The following EPYC variants were observed in gnomAD, a reference collection of about 807,000 sequenced individuals.
EPYC encodes dermatan sulfate proteoglycan 3.
In EPYC, 28 loss-of-function variants were observed where a neutral mutation model predicts 30.1. That is an observed-to-expected ratio of 0.93 (90% CI 0.69 to 1.28). The LOEUF (loss-of-function observed/expected upper bound fraction) is 1.28, where lower values mean the gene tolerates loss of function less well. Among genes scored for constraint, EPYC ranks in the 50% most tolerant of loss-of-function variants. The pLI is 0.00. For missense variants in EPYC, 382 were observed against 383.5 expected (o/e 1.00, Z 0.03); for synonymous variants, 144 against 141.4 (o/e 1.02, Z -0.13).
intron 2 of EPYC, among the ~76,000 whole-genome samples, chr12:90,985,739 G>A (rs953766097): frequency 3.9e-5 from 6 of 152,066 alleles, no homozygotes; most frequent in East Asian, 1.9e-4. Context: ...CTGCCCTAGA[G>A]GACAAAGGTT....
Position 90,970,136 on chromosome 12 carries a change from T to A in EPYC, c.706A>T (p.Met236Leu), listed in dbSNP as rs751808930. ...KGIKQEAFKD[M>L]YDLHHLYLTD... ...AGGTACAGATGATGGAGATCATACA[T>A]GTCCTGTAAACATTCCAAATGTGGG... Residue 236 changes from methionine to leucine, a missense_variant, in exon 6 of 7, where the codon ATG becomes TTG. Transcript: ENST00000261172. The A allele has an allele frequency of 1.4e-5, 22 of 1,610,706 alleles. No individual in the cohort carries two copies. Among genetic ancestry groups the A allele is most frequent in the African/African-American group, 1.3e-5 (1 of 74,958 alleles).
chr12:90,971,957 A>G lies in EPYC; in HGVS notation c.545T>C (p.Ile182Thr), dbSNP rs774265511. ...CAGTTTTCGGAATGCATCTTCATCA[A>G]TCTCAGATATTAAATTTGATGTCAG... ...IDLTSNLISE[I>T]DEDAFRKLPQ... The change falls in exon 5 of 7, where the codon ATT becomes ACT. Residue 182 changes from isoleucine to threonine, a missense_variant. Coordinates refer to ENST00000261172, the MANE Select transcript of EPYC (RefSeq NM_004950.5). 1.9e-6 allele frequency: 3 copies of G among 1,607,656 alleles called. No homozygotes were observed. Among genetic ancestry groups the G allele is most frequent in the Non-Finnish European group, 1.7e-6 (2 of 1,176,752 alleles).
At position 90,974,108 on chromosome 12, in the gene EPYC, A is replaced by C. The variant is rs143833523; in HGVS notation, c.341-1128T>G. On this transcript the variant is annotated intron_variant, in intron 3 of 6. Transcript: ENST00000261172. ...TCCACCCCTTCTTCATTTTCTGTTT[A>C]GTGATCATGGAGAGGACAGTAAACT... is the stretch of plus-strand genomic sequence containing the variant. Among the ~76,000 whole-genome samples the C allele has an allele frequency of 1.0e-3, 151 of 150,770 alleles. 1 individual carries two copies. Among genetic ancestry groups the C allele is most frequent in the African/African-American group, 3.6e-3 (149 of 41,142 alleles).
chr12:90,991,059 G>A (rs1012985096), intron 2 of EPYC, among the ~76,000 whole-genome samples: 4 of 151,860 alleles, frequency 2.6e-5, no homozygotes, highest in Admixed American at 1.3e-4. Context: ...GAGAGAACAC[G>A]CTGAAAAAAA....
At chr12:91,003,525 C>T (rs139572197) in intron 1 of EPYC, among the ~76,000 whole-genome samples, 1 of 151,894 alleles carries the variant, frequency 6.6e-6, no homozygotes, top group East Asian at 1.9e-4. Context: ...AATCAAGATC[C>T]TATAATTTAA....
intron 2 of EPYC, among the ~76,000 whole-genome samples, chr12:91,002,189 CAAAAAAA>C (rs34987645): frequency 9.5e-5 from 7 of 73,460 alleles, no homozygotes; most frequent in African/African-American, 4.1e-4. Context: ...GACACTGTCT[CAAAAAAA>C]AAAAAAAAAA....
intron 2 of EPYC, among the ~76,000 whole-genome samples, chr12:90,991,047 T>G (rs774686583): frequency 2.0e-5 from 3 of 152,176 alleles, no homozygotes; most frequent in Non-Finnish European, 2.9e-5. Flanking sequence ...ATTATAACTC[T>G]AGAGAGAACA....
chr12:90,965,155 A>G lies in EPYC; in HGVS notation c.799-829T>C, dbSNP rs541300626. Among the ~76,000 whole-genome samples the G allele has an allele frequency of 4.6e-5, 7 of 152,284 alleles. No homozygotes were observed. In the East Asian group the frequency reaches 1.3e-3, roughly 29 times the overall value. ...TCTTTCGCTTAGTATTGTGTTTTCA[A>G]AGTTCATACATGTTGTAGGATGTAT... is the stretch of plus-strand genomic sequence containing the variant. On this transcript the variant is annotated intron_variant, in intron 6 of 6. Coordinates refer to ENST00000261172, the MANE Select transcript of EPYC (RefSeq NM_004950.5).
intron 2 of EPYC, among the ~76,000 whole-genome samples, chr12:90,997,398 A>C (rs1388356034): frequency 3.9e-5 from 6 of 152,048 alleles, no homozygotes; most frequent in African/African-American, 1.4e-4. Flanking sequence ...GCCTCTATAC[A>C]TCTTAATATT....
intron 2 of EPYC, among the ~76,000 whole-genome samples, chr12:90,999,870 A>T (rs1877783020): frequency 6.6e-6 from 1 of 151,824 alleles, no homozygotes; most frequent in Non-Finnish European, 1.5e-5. Context: ...GTTCTTCTAA[A>T]TTTTGTTCCT....
intron 2 of EPYC, among the ~76,000 whole-genome samples, chr12:90,994,168 A>T (rs933804241): frequency 2.0e-5 from 3 of 152,124 alleles, no homozygotes; most frequent in Non-Finnish European, 4.4e-5. Context: ...TCAGCAAAAG[A>T]TTGGTAAGTG....
At chr12:90,974,428 G>C (rs1036011074) in intron 3 of EPYC, among the ~76,000 whole-genome samples, 2 of 152,116 alleles carry the variant, frequency 1.3e-5, no homozygotes, top group Non-Finnish European at 2.9e-5. Context: ...AAAATGCTGA[G>C]AGGTTTGTGA....
At chr12:90,992,844 T>C (rs1338253139) in intron 2 of EPYC, among the ~76,000 whole-genome samples, 1 of 152,154 alleles carries the variant, frequency 6.6e-6, no homozygotes, top group African/African-American at 2.4e-5. Context: ...GATCTGAGTA[T>C]TTGCATTCGT....
intron 2 of EPYC, among the ~76,000 whole-genome samples, chr12:90,983,068 T>G (rs1877358415): frequency 6.6e-6 from 1 of 152,134 alleles, no homozygotes; most frequent in East Asian, 1.9e-4. Context: ...CTTCACATTG[T>G]TTTTCATAGT....
chr12:90,980,496 C>T (rs1037725421), intron 2 of EPYC, among the ~76,000 whole-genome samples: 1 of 152,080 alleles, frequency 6.6e-6, no homozygotes, highest in African/African-American at 2.4e-5. Flanking sequence ...TTTATTTTCA[C>T]CATTAAATAG....
At chr12:90,965,945 AT>A (rs1441016497) in intron 6 of EPYC, among the ~76,000 whole-genome samples, 1 of 151,948 alleles carries the variant, frequency 6.6e-6, no homozygotes, top group Non-Finnish European at 1.5e-5. Flanking sequence ...GTGTATAGAT[AT>A]CCTGCATACA....
At position 90,969,653 on chromosome 12, in the gene EPYC, T is replaced by G. The variant is rs575661344; in HGVS notation, c.798+391A>C. Among the ~76,000 whole-genome samples the G allele has an allele frequency of 4.7e-5, 7 of 149,886 alleles. No individual in the cohort carries two copies. The South Asian group carries it at 1.5e-3, about 31-fold the overall frequency. On this transcript the variant is annotated intron_variant, in intron 6 of 6. Coordinates refer to ENST00000261172, the MANE Select transcript of EPYC (RefSeq NM_004950.5). ...TAAAATCACAGGCTGAAACTGATGT[T>G]TTTTTTTTCCCCTGACAGCTAAATG...
Position 91,002,501 on chromosome 12 carries a change from G to A in EPYC, c.65C>T (p.Thr22Ile). 6.2e-7 allele frequency: 1 copy of A among 1,613,360 alleles called. No homozygotes were observed. Among genetic ancestry groups the A allele is most frequent in the Non-Finnish European group, 8.5e-7 (1 of 1,179,604 alleles). The part of the protein sequence containing the change: ...VIFDAAVTAP[T>I]LESINYDSET... Reference sequence around the variant, plus strand: ...TGAGTCATAGTTGATGGACTCTAGAGTTGGGGCAGTCACAGCAGCATCAAA... The same window carrying A: ...TGAGTCATAGTTGATGGACTCTAGAATTGGGGCAGTCACAGCAGCATCAAA... Residue 22 changes from threonine (T) to isoleucine (I), a missense_variant, in exon 2 of 7, where the codon ACT (threonine) becomes ATT (isoleucine). Transcript: ENST00000261172.
At chr12:91,002,620 A>C (rs575308047) in intron 1 of EPYC, 42 bp from the exon 2 acceptor site, 1 of 1,427,820 alleles carries the variant, frequency 7.0e-7, no homozygotes, top group East Asian at 2.5e-5. Flanking sequence ...TTAATTGATA[A>C]CTTATGAATA....
Sources: allele counts gnomAD v4.1 joint callset (sites outside exome capture counted in the v4.1 genomes callset), GRCh38; gene constraint gnomAD v4.1.1; transcripts MANE v1.5; gene names NCBI Gene and HGNC (gene_info 2026-07-23, HGNC 2026-07-21).